Variants in ATP2C2 observed in about 807,000 individuals in gnomAD.
ATP2C2 encodes the protein ATPase secretory pathway Ca2+ transporting 2, also known as calcium-transporting ATPase type 2C member 2.
ATP2C2 carries 171 observed loss-of-function variants against 110.8 expected under a neutral mutation model. The ratio of observed to expected loss-of-function variants is 1.54; its 90% confidence interval spans 1.36 to 1.75. The LOEUF (loss-of-function observed/expected upper bound fraction) is 1.75, where lower values mean the gene tolerates loss of function less well. Ranked by LOEUF, ATP2C2 falls within the 40% of genes most tolerant of loss-of-function variation. The pLI, the probability that ATP2C2 is intolerant of heterozygous loss-of-function variation, is 0.00. For synonymous variants in ATP2C2, 804 were observed against 508.4 expected (o/e 1.58, Z -7.82); for missense variants, 1,963 against 1,235.0 (o/e 1.59, Z -8.84).
intron 1 of ATP2C2, among the ~76,000 whole-genome samples, chr16:84,397,670 A>AAAAAAAAAAAAAAC (rs1555553736): frequency 4.8e-5 from 7 of 145,792 alleles, no homozygotes; most frequent in Non-Finnish European, 9.2e-5. Context: ...AAAAAAAAAA[A>AAAAAAAAAAAAAAC]AAACTTGCTT....
In ATP2C2 at chr16:84,459,383, A is replaced by G. The variant is rs762036247; in HGVS notation, c.2330A>G (p.Gln777Arg). ...ATCATCATGGATGGGCCACCGGCGCAGAGGTGAGGCAGGGCCGGCTGGGAG... is the reference window on the plus strand; with the variant it reads ...ATCATCATGGATGGGCCACCGGCGCGGAGGTGAGGCAGGGCCGGCTGGGAG... The part of the protein sequence containing the change: ...INIIMDGPPA[Q>R]SLGVEPVDKD... The change falls in exon 23 of 27, where the codon CAG (glutamine) becomes CGG (arginine). Residue 777 changes from glutamine (Q) to arginine (R), a missense_variant. Coordinates refer to ENST00000262429, the MANE Select transcript of ATP2C2 (RefSeq NM_014861.4). 6.2e-7 allele frequency: 1 copy of G among 1,613,926 alleles called. No homozygotes were observed. The highest frequency in any genetic ancestry group is 8.5e-7 in the Non-Finnish European group (1 of 1,179,818).
At chr16:84,461,446 C>T (rs993438435) in intron 24 of ATP2C2, 8 of 571,000 alleles carry the variant, frequency 1.4e-5, no homozygotes, top group African/African-American at 7.5e-5. Flanking sequence ...CCCAGGGAGA[C>T]AGTTACTTCC....
chr16:84,429,139 GTTT>G (rs68157176), intron 11 of ATP2C2, among the ~76,000 whole-genome samples: 47,654 of 151,488 alleles, frequency 0.31, 7,701 homozygotes, highest in Non-Finnish European at 0.35. Flanking sequence ...TCATGGCGTT[GTTT>G]TTTTTGTTTG....
At position 84,461,975 on chromosome 16, in the gene ATP2C2, C is replaced by T. The variant is rs1911405752; in HGVS notation, c.2581-13C>T. ...GACAGCACACAATCCCCCGTGTGAC[C>T]TTCTCCCTGCAGACCAAGCTGATAT... On this transcript the variant is annotated splice_polypyrimidine_tract_variant and intron_variant, in intron 25 of 26. Transcript: ENST00000262429. 5 of 1,612,096 alleles carry T rather than the reference C, an allele frequency of 3.1e-6. No individual in the cohort carries two copies. The highest frequency in any genetic ancestry group is 1.7e-5 in the Admixed American group (1 of 59,934).
At chr16:84,412,325 C>T (rs79622035) in intron 6 of ATP2C2, among the ~76,000 whole-genome samples, 58 of 128,924 alleles carry the variant, frequency 4.5e-4, no homozygotes, top group South Asian at 1.1e-3. Context: ...CGTGTGTGTG[C>T]GTGTGTGTCT....
chr16:84,415,455 C>G (rs747640593), intron 6 of ATP2C2, 28 bp from the exon 7 acceptor site: 2 of 1,583,810 alleles, frequency 1.3e-6, no homozygotes, highest in Non-Finnish European at 1.7e-6. Context: ...AGCATGGATG[C>G]TTTTGCTTTT....
intron 1 of ATP2C2, among the ~76,000 whole-genome samples, chr16:84,380,598 C>T (rs891508415): frequency 6.6e-6 from 1 of 152,152 alleles, no homozygotes; most frequent in African/African-American, 2.4e-5. Context: ...CTTTTCTGCG[C>T]AAGTCTAGAG....
At chr16:84,412,742 G>A (rs1906487099) in intron 6 of ATP2C2, among the ~76,000 whole-genome samples, 1 of 152,092 alleles carries the variant, frequency 6.6e-6, no homozygotes. Context: ...CATTGGTTGA[G>A]GTCCTGTCAG....
In ATP2C2 at chr16:84,454,864, T is replaced by C. The variant is rs750642127; in HGVS notation, c.2027T>C (p.Val676Ala). 1 of 1,613,064 alleles carries C rather than the reference T, an allele frequency of 6.2e-7. No homozygotes were observed. The highest frequency in any genetic ancestry group is 2.2e-5 in the East Asian group (1 of 44,812). Residue 676 changes from valine (V) to alanine (A), a missense_variant, in exon 21 of 27, where the codon GTG becomes GCG. Physicochemically the swap from Val to Ala is moderately conservative, Grantham distance 64. Coordinates refer to ENST00000262429, the MANE Select transcript of ATP2C2 (RefSeq NM_014861.4). The part of the protein sequence containing the change: ...GAIVAMTGDG[V>A]NDAVALKSAD... Reference sequence around the variant, plus strand: ...ATCGTGGCCATGACTGGGGATGGGGTGAACGACGCAGTGGCCCTGAAGTCT... The same window carrying C: ...ATCGTGGCCATGACTGGGGATGGGGCGAACGACGCAGTGGCCCTGAAGTCT...
rs771049488 is a variant in ATP2C2 at position 84,459,491 on chromosome 16, G to A, written c.2333+105G>A. ...AAGGCTATAGGGATGAACAAATACAGCCACTTTCCATCAGGAGTTCCCAGA... is the reference window on the plus strand; with the variant it reads ...AAGGCTATAGGGATGAACAAATACAACCACTTTCCATCAGGAGTTCCCAGA... On this transcript the variant is annotated intron_variant, in intron 23 of 26. Coordinates refer to ENST00000262429, the MANE Select transcript of ATP2C2 (RefSeq NM_014861.4). 19 of 1,590,712 alleles carry A rather than the reference G, an allele frequency of 1.2e-5. No homozygotes were observed. In the South Asian group the frequency reaches 1.5e-4, roughly 12 times the overall value.
chr16:84,380,415 T>C (rs998880467), intron 1 of ATP2C2, among the ~76,000 whole-genome samples: 6 of 152,232 alleles, frequency 3.9e-5, no homozygotes, highest in Non-Finnish European at 7.3e-5. Flanking sequence ...GTTTTTCTCA[T>C]AAACCATAAA....
At chr16:84,413,416 A>G (rs190964587) in intron 6 of ATP2C2, among the ~76,000 whole-genome samples, 1 of 152,278 alleles carries the variant, frequency 6.6e-6, no homozygotes, top group East Asian at 1.9e-4. Context: ...ATGATACAGA[A>G]TTGACCCACA....
intron 1 of ATP2C2, among the ~76,000 whole-genome samples, chr16:84,370,204 C>T (rs574952700): frequency 6.6e-6 from 1 of 152,312 alleles, no homozygotes; most frequent in South Asian, 2.1e-4. Flanking sequence ...CAGGTGGACT[C>T]GTCCCTCCAA....
intron 26 of ATP2C2, 89 bp from the exon 27 acceptor site, chr16:84,463,525 T>TATCA (rs1249963477): frequency 3.6e-6 from 4 of 1,102,842 alleles, no homozygotes; most frequent in Non-Finnish European, 5.6e-6. Flanking sequence ...CCTCTCACTT[T>TATCA]ATCAGGAGGA....
At chr16:84,400,141 C>A (rs1905228325) in intron 2 of ATP2C2, among the ~76,000 whole-genome samples, 1 of 152,036 alleles carries the variant, frequency 6.6e-6, no homozygotes, top group South Asian at 2.1e-4. Context: ...TGTATATGTA[C>A]CACATTTTCT....
chr16:84,405,221 G>A lies in ATP2C2; in HGVS notation c.304G>A (p.Val102Met), dbSNP rs78887288. 6.2e-3 allele frequency: 10,008 copies of A among 1,614,018 alleles called. 39 individuals are homozygous for A. Among genetic ancestry groups the A allele is most frequent in the Non-Finnish European group, 7.4e-3 (8,779 of 1,179,920 alleles). The stretch of plus-strand genomic sequence containing the variant: ...GTTTGTTGCTGACAACAGCGAACCT[G>A]TGTGGAAGAAATACCTGGATCAGGT... ...NEFVADNSEP[V>M]WKKYLDQFKN... The change falls in exon 3 of 27, where the codon GTG (valine) becomes ATG (methionine). Residue 102 changes from valine (V) to methionine (M), a missense_variant. Transcript: ENST00000262429.
intron 4 of ATP2C2, 64 bp from the exon 5 acceptor site, chr16:84,410,504 C>A: frequency 1.3e-6 from 2 of 1,542,312 alleles, no homozygotes; most frequent in Non-Finnish European, 9.0e-7. Context: ...CCCTAGCCTG[C>A]CACGCCCTGT....
At chr16:84,448,094 T>G (rs1909925252) in intron 16 of ATP2C2, among the ~76,000 whole-genome samples, 1 of 152,130 alleles carries the variant, frequency 6.6e-6, no homozygotes, top group East Asian at 1.9e-4. Context: ...GCTACTCATG[T>G]GGCTTCACTA....
chr16:84,425,814 T>C lies in ATP2C2; in HGVS notation c.986+13T>C, dbSNP rs1907762626. ...CGATCGGGGTCAGGTAAGAGTGCTA[T>C]GGCCGCCCCTTGCCTTGCCAGGGTG... is the stretch of plus-strand genomic sequence containing the variant. On this transcript the variant is annotated intron_variant, in intron 11 of 26. Transcript: ENST00000262429. 1.9e-6 allele frequency: 3 copies of C among 1,613,878 alleles called. No individual in the cohort carries two copies. The highest frequency in any genetic ancestry group is 1.3e-5 in the African/African-American group (1 of 75,028).
Sources: allele counts gnomAD v4.1 joint callset (sites outside exome capture counted in the v4.1 genomes callset), GRCh38; gene constraint gnomAD v4.1.1; transcripts MANE v1.5; gene names NCBI Gene and HGNC (gene_info 2026-07-23, HGNC 2026-07-21).